SV2C: variants seen among roughly 807,000 people sequenced by gnomAD.
SV2C encodes the protein solute carrier family 22 member B3.
A neutral mutation model predicts 79.7 loss-of-function variants in SV2C; 49 were observed. The observed-to-expected ratio is 0.61, with a 90% CI of 0.49 to 0.78. The LOEUF (loss-of-function observed/expected upper bound fraction) is 0.78, where lower values mean the gene tolerates loss of function less well. Among genes scored for constraint, SV2C ranks in the 30% least tolerant of loss-of-function variants. The pLI, the probability that SV2C is intolerant of heterozygous loss-of-function variation, is 0.00. For synonymous variants in SV2C, 334 were observed against 333.2 expected (o/e 1.00, Z -0.03); for missense variants, 833 against 912.9 (o/e 0.91, Z 1.13).
intron 4 of SV2C, among the ~76,000 whole-genome samples, chr5:76,261,779 C>T (rs921128956): frequency 1.3e-5 from 2 of 152,196 alleles, no homozygotes; most frequent in Non-Finnish European, 2.9e-5. Context: ...AGCCTTGCTT[C>T]TCAGGGATGA....
chr5:76,284,660 A>G lies in SV2C; in HGVS notation c.914-502A>G, dbSNP rs372377798. The stretch of plus-strand genomic sequence containing the variant: ...GCCAGACCTCCAGCCAGTCAGGGGG[A>G]AGGGAGAAGGGAAGCAAGGGAAATA... On this transcript the variant is annotated intron_variant, in intron 4 of 12. Coordinates refer to ENST00000502798, the MANE Select transcript of SV2C (RefSeq NM_014979.4). Among the ~76,000 whole-genome samples the G allele has an allele frequency of 6.6e-5, 10 of 152,122 alleles. No homozygotes were observed. The East Asian group carries it at 1.2e-3, about 18-fold the overall frequency.
intron 2 of SV2C, among the ~76,000 whole-genome samples, chr5:76,174,408 G>T (rs1743458022): frequency 6.6e-6 from 1 of 152,238 alleles, no homozygotes; most frequent in East Asian, 1.9e-4. Flanking sequence ...GTTGGGGTGG[G>T]AGTTAATAAT....
the SV2C span, among the ~76,000 whole-genome samples, chr5:75,881,944 T>C: frequency 6.8e-6 from 1 of 148,122 alleles, no homozygotes; most frequent in Non-Finnish European, 1.5e-5. Context: ...TTGTCATAGA[T>C]AGCTCTTATT....
chr5:76,096,011 A>AT (rs1185066441), intron 1 of SV2C, among the ~76,000 whole-genome samples: 4 of 152,204 alleles, frequency 2.6e-5, no homozygotes, highest in African/African-American at 9.6e-5. Flanking sequence ...CTTAATCCTT[A>AT]TTACATCTCT....
the SV2C span, among the ~76,000 whole-genome samples, chr5:75,998,007 AGCC>A: frequency 6.6e-6 from 1 of 152,128 alleles, no homozygotes. Context: ...AATACTATGC[AGCC>A]ATAAAAAAGG....
rs1442589733 is a variant in SV2C, at chr5:76,301,441, T to C, written c.1896T>C (p.Ser632=). Residue 632 remains serine (S), a synonymous_variant, in exon 12 of 13, where the codon AGT becomes AGC. Transcript: ENST00000502798. ...ISCFFLWFGT[S]ESMMIGMLCL... The stretch of plus-strand genomic sequence containing the variant: ...GTTTCTTCCTTTGGTTCGGCACCAG[T>C]GAATCCATGATGATAGGCATGCTGT... 1.2e-6 allele frequency: 2 copies of C among 1,614,044 alleles called. No individual in the cohort carries two copies. Among genetic ancestry groups the C allele is most frequent in the South Asian group, 2.2e-5 (2 of 91,072 alleles).
chr5:75,904,369 A>AAAAACAAAACAAAACAAAACAAAAC, the SV2C span, among the ~76,000 whole-genome samples: 6 of 149,036 alleles, frequency 4.0e-5, no homozygotes, highest in African/African-American at 1.6e-4. Context: ...CAGTCCTCAA[A>AAAAACAAAACAAAACAAAACAAAAC]AAAACAAAAC....
intron 1 of SV2C, among the ~76,000 whole-genome samples, chr5:76,095,696 GT>G (rs775400259): frequency 2.0e-5 from 3 of 151,968 alleles, no homozygotes; most frequent in Admixed American, 6.6e-5. Flanking sequence ...TTATATACAA[GT>G]TTTTTAAACT....
At chr5:75,898,746 T>G in the SV2C span, among the ~76,000 whole-genome samples, 66 of 152,180 alleles carry the variant, frequency 4.3e-4, no homozygotes, top group African/African-American at 1.4e-3. Flanking sequence ...CAATTTCAGA[T>G]CCTGTTATTG....
At chr5:75,924,929 T>C in the SV2C span, among the ~76,000 whole-genome samples, 2 of 152,088 alleles carry the variant, frequency 1.3e-5, no homozygotes, top group Non-Finnish European at 2.9e-5. Context: ...TTAAATGAAA[T>C]AAATTGTTCA....
chr5:76,347,507 C>T (rs1364575558), intron 12 of SV2C, among the ~76,000 whole-genome samples: 1 of 152,100 alleles, frequency 6.6e-6, no homozygotes, highest in Non-Finnish European at 1.5e-5. Flanking sequence ...TGCAGGGGTG[C>T]AGTCTCCTCT....
chr5:76,022,043 G>A, the SV2C span, among the ~76,000 whole-genome samples: 3 of 152,134 alleles, frequency 2.0e-5, no homozygotes, highest in Non-Finnish European at 2.9e-5. Context: ...AGGTTAAAAC[G>A]ATTTGTCCCA....
the SV2C span, among the ~76,000 whole-genome samples, chr5:75,946,119 T>C: frequency 6.6e-6 from 1 of 152,062 alleles, no homozygotes; most frequent in South Asian, 2.1e-4. Context: ...CCTGGTTCTG[T>C]GTAGAGATGA....
chr5:75,938,228 G>T, the SV2C span, among the ~76,000 whole-genome samples: 1 of 152,122 alleles, frequency 6.6e-6, no homozygotes, highest in African/African-American at 2.4e-5. Context: ...CTCGAGGACT[G>T]GTGTTATCTA....
the SV2C span, among the ~76,000 whole-genome samples, chr5:76,021,879 G>A: frequency 1.6e-3 from 238 of 152,174 alleles, 3 homozygotes; most frequent in South Asian, 0.025. Context: ...GATCTTATAG[G>A]TGAGTAAAAG....
the SV2C span, among the ~76,000 whole-genome samples, chr5:75,918,393 A>C: frequency 6.6e-6 from 1 of 152,254 alleles, no homozygotes; most frequent in Non-Finnish European, 1.5e-5. Flanking sequence ...ACAGAATGAT[A>C]GTTGCATACG....
rs1053149924 is a variant in SV2C at position 76,328,624 on chromosome 5, G to A, written c.*3077G>A. On this transcript the variant is annotated 3_prime_UTR_variant, in exon 13 of 13. Coordinates refer to ENST00000502798, the MANE Select transcript of SV2C (RefSeq NM_014979.4). ...ACAGGGACCCAGATCTTGCTGTGGA[G>A]ACTGTAAGTCGTTGAACATCTCTAG... 6.6e-6 allele frequency: 1 copy of A among 152,244 alleles called. No homozygotes were observed. Among genetic ancestry groups the A allele is most frequent in the African/African-American group, 2.4e-5 (1 of 41,446 alleles). 9.4% of individuals were successfully genotyped at this position (152,244 alleles called of 1,614,324 possible). A position where few individuals can be genotyped will look rare whatever the true frequency, so the allele number is the denominator to read the frequency against.
At chr5:76,294,743 T>C (rs1184797156) in intron 8 of SV2C, among the ~76,000 whole-genome samples, 2 of 152,174 alleles carry the variant, frequency 1.3e-5, no homozygotes, top group Non-Finnish European at 2.9e-5. Context: ...CACACGTGGT[T>C]AGTGGCTTCT....
At chr5:75,921,007 G>A in the SV2C span, 1,791 of 706,990 alleles carry the variant, frequency 2.5e-3, 30 homozygotes, top group East Asian at 0.029. Context: ...GCGAGTCCTC[G>A]CGGTAGTTCT....
Sources: gnomAD v4.1 joint callset for allele counts (sites outside exome capture counted in the v4.1 genomes callset) on GRCh38, gnomAD v4.1.1 for gene constraint, MANE v1.5 for transcripts, NCBI Gene and HGNC (gene_info 2026-07-23, HGNC 2026-07-21) for gene names.